Variants in TEAD4 observed in about 807,000 individuals in gnomAD.
TEAD4 encodes transcriptional enhancer factor TEF-3.
A neutral mutation model predicts 52.4 loss-of-function variants in TEAD4; 36 were observed. The ratio of observed to expected loss-of-function variants is 0.69; its 90% CI spans 0.53 to 0.91. TEAD4 has a LOEUF of 0.91. Among genes scored for constraint, TEAD4 ranks in the 40% least tolerant of loss-of-function variants. The probability of loss-of-function intolerance (pLI) is 0.00; values close to 1 mark genes in which losing one functional copy is unlikely to be tolerated. For missense variants in TEAD4, 508 were observed against 583.9 expected (o/e 0.87, Z 1.34); for synonymous variants, 220 against 231.0 (o/e 0.95, Z 0.43).
chr12:3,015,972 T>C (rs1290969991), intron 5 of TEAD4, among the ~76,000 whole-genome samples: 1 of 152,050 alleles, frequency 6.6e-6, no homozygotes, highest in African/African-American at 2.4e-5. Context: ...AGCCAGGCGT[T>C]TGAGGCCAGC....
intron 2 of TEAD4, among the ~76,000 whole-genome samples, chr12:2,966,940 C>T (rs1427843105): frequency 6.6e-6 from 1 of 152,162 alleles, no homozygotes; most frequent in African/African-American, 2.4e-5. Flanking sequence ...CTCCCGACCT[C>T]AGGCGATCCA....
chr12:2,971,402 G>A (rs1289107600), intron 2 of TEAD4, among the ~76,000 whole-genome samples: 1 of 152,190 alleles, frequency 6.6e-6, no homozygotes, highest in African/African-American at 2.4e-5. Flanking sequence ...CTATTGTCAT[G>A]AAGTGATGAG....
At chr12:2,995,127 C>G in intron 3 of TEAD4, 135 bp downstream of exon 3, 1 of 1,178,134 alleles carries the variant, frequency 8.5e-7, no homozygotes, top group Non-Finnish European at 1.2e-6. Flanking sequence ...GCTTTCTTCC[C>G]TCCTGGGCTC....
chr12:3,026,492 G>C (rs1344108389), intron 10 of TEAD4, among the ~76,000 whole-genome samples: 1 of 152,180 alleles, frequency 6.6e-6, no homozygotes, highest in Non-Finnish European at 1.5e-5. Context: ...TCTGTACTCA[G>C]GGTCATGACT....
In TEAD4 at chr12:3,020,643, C is replaced by A; in HGVS notation, c.593C>A (p.Ser198Tyr). The A allele has an allele frequency of 6.3e-7, 1 of 1,577,636 alleles. No homozygotes were observed. Residue 198 changes from serine to tyrosine, a missense_variant, in exon 9 of 13, where the codon TCT becomes TAT. By Grantham distance (144) the Ser-to-Tyr change is moderately radical. Transcript: ENST00000359864. ...TTCTCACTTTGTGCAGGGTTTGAGT[C>A]TCCTGCAGGGCCCGCCCCATCGCCC...
intron 10 of TEAD4, among the ~76,000 whole-genome samples, chr12:3,027,901 A>G (rs12310002): frequency 0.11 from 16,197 of 152,196 alleles, 977 homozygotes; most frequent in Non-Finnish European, 0.12. Flanking sequence ...GTTTTTAAGT[A>G]TATTCACAAA....
Position 2,973,878 on chromosome 12 carries a change from G to A in TEAD4, c.-30+13838G>A, listed in dbSNP as rs577515734. On this transcript the variant is annotated intron_variant, in intron 2 of 12. Transcript: ENST00000359864. ...AGGCGCGGTAACTGGCAGGCCTGCA[G>A]GAGTAAGGTGCTGGGTGTGTGGCTG... Among the ~76,000 whole-genome samples the A allele has an allele frequency of 3.9e-5, 6 of 152,216 alleles. No individual in the cohort carries two copies. The South Asian group carries it at 1.2e-3, about 32-fold the overall frequency.
At chr12:2,970,113 C>G (rs984064848) in intron 2 of TEAD4, among the ~76,000 whole-genome samples, 12 of 152,174 alleles carry the variant, frequency 7.9e-5, no homozygotes, top group Non-Finnish European at 1.8e-4. Context: ...ATAATATATT[C>G]TTTAACCTAT....
intron 5 of TEAD4, 66 bp downstream of exon 5, chr12:3,012,298 T>C: frequency 6.4e-7 from 1 of 1,551,316 alleles, no homozygotes; most frequent in East Asian, 2.3e-5. Context: ...ATCTTCCCTT[T>C]GGGGTCAGGG....
In TEAD4 at chr12:3,022,319, A is replaced by T. The variant is rs187445791; in HGVS notation, c.897+302A>T. ...AGGAGGTGTAGTTCCAGAAAAAGAC[A>T]AACGGGACCCTGCGGGGATAAGTGA... On this transcript the variant is annotated intron_variant, in intron 10 of 12. Coordinates refer to ENST00000359864, the MANE Select transcript of TEAD4 (RefSeq NM_003213.4). Among the ~76,000 whole-genome samples, 910 of 144,042 alleles carry T rather than the reference A, an allele frequency of 6.3e-3. 5 individuals are homozygous for T. The highest frequency in any genetic ancestry group is 0.021 in the African/African-American group (853 of 41,016). The allele number at this position is 144,042 out of a possible 152,430, so 94.5% of individuals were successfully genotyped here. A position where few individuals can be genotyped will look rare whatever the true frequency, so the allele number is the denominator to read the frequency against.
At chr12:3,003,224 G>A (rs1277734588) in intron 3 of TEAD4, among the ~76,000 whole-genome samples, 1 of 152,220 alleles carries the variant, frequency 6.6e-6, no homozygotes, top group African/African-American at 2.4e-5. Context: ...GGGGAGGCTT[G>A]TGCTCTCAGC....
rs2098245441 is a variant in TEAD4 at position 2,994,304 on chromosome 12, G to A, written c.-29-434G>A. ...TTGGCCAGGCTGGTCTCGAGTTCCT[G>A]ACCTCAAGTGATCTGCCTGCCTCAG... On this transcript the variant is annotated intron_variant, in intron 2 of 12. Coordinates refer to ENST00000359864, the MANE Select transcript of TEAD4 (RefSeq NM_003213.4). The surrounding 1 kb of genome is among the most constrained non-coding windows in gnomAD (Gnocchi z 4.7). Among the ~76,000 whole-genome samples the A allele has an allele frequency of 6.6e-6, 1 of 152,146 alleles. No individual in the cohort carries two copies. Among genetic ancestry groups the A allele is most frequent in the Admixed American group, 6.5e-5 (1 of 15,274 alleles).
Position 3,017,604 on chromosome 12 carries a change from A to G in TEAD4, c.483+78A>G, listed in dbSNP as rs2098265546. 2.0e-6 allele frequency: 3 copies of G among 1,502,378 alleles called. No individual in the cohort carries two copies. In the South Asian group the frequency reaches 4.0e-5, roughly 20 times the overall value. 93.1% of individuals were successfully genotyped at this position (1,502,378 alleles called of 1,614,324 possible). On this transcript the variant is annotated intron_variant, in intron 6 of 12. Transcript: ENST00000359864. ...CTCCCTGTTCAGAAGAGCCAGAAGCATTGGCCAGCCCAGATTTCTCTCACC... is the reference window on the plus strand; with the variant it reads ...CTCCCTGTTCAGAAGAGCCAGAAGCGTTGGCCAGCCCAGATTTCTCTCACC...
intron 3 of TEAD4, among the ~76,000 whole-genome samples, chr12:2,999,956 CGA>C (rs1198647328): frequency 6.6e-6 from 1 of 152,102 alleles, no homozygotes; most frequent in Non-Finnish European, 1.5e-5. Flanking sequence ...TTGACTTTCC[CGA>C]GTCTTCCTGC....
At chr12:2,967,682 C>T (rs945689279) in intron 2 of TEAD4, among the ~76,000 whole-genome samples, 1 of 152,156 alleles carries the variant, frequency 6.6e-6, no homozygotes, top group East Asian at 1.9e-4. Context: ...ATTTTAATGC[C>T]TGTTAGGTGC....
chr12:3,023,664 G>A (rs923973991), intron 10 of TEAD4, among the ~76,000 whole-genome samples: 5 of 150,946 alleles, frequency 3.3e-5, no homozygotes, highest in African/African-American at 4.9e-5. Flanking sequence ...GGTGGCACAC[G>A]CCTGTAATCC....
intron 5 of TEAD4, among the ~76,000 whole-genome samples, chr12:3,015,936 G>C (rs1299163609): frequency 6.6e-6 from 1 of 152,170 alleles, no homozygotes; most frequent in East Asian, 1.9e-4. Flanking sequence ...CCAGCACTGG[G>C]AGGTCGAGGC....
intron 2 of TEAD4, among the ~76,000 whole-genome samples, chr12:2,964,407 C>G (rs565515178): frequency 7.0e-4 from 106 of 151,592 alleles, no homozygotes; most frequent in African/African-American, 2.4e-3. Context: ...AAGCTCTGGA[C>G]AGGGAGTCCC....
chr12:3,027,561 C>T (rs962467184), intron 10 of TEAD4, among the ~76,000 whole-genome samples: 2 of 152,158 alleles, frequency 1.3e-5, no homozygotes, highest in African/African-American at 2.4e-5. Context: ...AAAAACCTGT[C>T]TCCACAAAAA....
Sources: gnomAD v4.1 joint callset for allele counts (sites outside exome capture counted in the v4.1 genomes callset) on GRCh38, gnomAD v4.1.1 for gene constraint, Gnocchi (gnomAD v3.1) non-coding constraint, MANE v1.5 for transcripts, NCBI Gene and HGNC (gene_info 2026-07-23, HGNC 2026-07-21) for gene names.